BEND3: variants seen among roughly 807,000 people sequenced by gnomAD.
BEND3 encodes the protein BEN domain containing 3, also known as BEN domain-containing protein 3.
BEND3 carries 13 observed loss-of-function variants against 60.1 expected under a neutral mutation model. The observed-to-expected ratio is 0.22, with a 90% CI of 0.14 to 0.34. The LOEUF (loss-of-function observed/expected upper bound fraction) is 0.34, where lower values mean the gene tolerates loss of function less well. BEND3 is among the 10% of genes least tolerant of loss of function. BEND3 has a pLI of 1.00. For missense variants in BEND3, 896 were observed against 1,138.1 expected, an observed-to-expected ratio of 0.79 and a Z score of 3.06; for synonymous variants, 497 against 491.5, an observed-to-expected ratio of 1.01 and a Z score of -0.15.
intron 3 of BEND3, among the ~76,000 whole-genome samples, chr6:107,077,520 G>C (rs1775124856): frequency 6.6e-6 from 1 of 152,228 alleles, no homozygotes; most frequent in East Asian, 1.9e-4. Flanking sequence ...TCATCCTTCT[G>C]CTGCCAACAC....
At chr6:107,077,055 C>T (rs1775115691) in intron 3 of BEND3, among the ~76,000 whole-genome samples, 1 of 152,070 alleles carries the variant, frequency 6.6e-6, no homozygotes, top group South Asian at 2.1e-4. Context: ...ACTTATTTTT[C>T]TATCCTGGGT....
chr6:107,072,223 C>T (rs1032339468), intron 3 of BEND3, among the ~76,000 whole-genome samples: 8 of 152,332 alleles, frequency 5.3e-5, no homozygotes, highest in South Asian at 4.1e-4. Context: ...TCCTGGGGTG[C>T]TTCTCTCCAC....
At chr6:107,090,564 CTATA>C (rs1775453711) in intron 3 of BEND3, among the ~76,000 whole-genome samples, 1 of 152,150 alleles carries the variant, frequency 6.6e-6, no homozygotes, top group African/African-American at 2.4e-5. Context: ...ATGTAGTCAA[CTATA>C]TATGCTTGTG....
intron 3 of BEND3, among the ~76,000 whole-genome samples, chr6:107,085,394 C>A (rs1775322678): frequency 6.6e-6 from 1 of 152,216 alleles, no homozygotes; most frequent in Non-Finnish European, 1.5e-5. Flanking sequence ...AGAGAAAAAT[C>A]CCCTTCTACT....
intron 3 of BEND3, among the ~76,000 whole-genome samples, chr6:107,089,766 T>C (rs562701073): frequency 3.5e-4 from 53 of 151,004 alleles, no homozygotes; most frequent in South Asian, 1.1e-3. Context: ...GGCTAATTTT[T>C]GTATTTTTAG....
chr6:107,069,727 GC>G lies in BEND3; in HGVS notation c.1463del (p.Gly488AlafsTer52). 6.2e-7 allele frequency: 1 copy of G among 1,611,214 alleles called. No individual in the cohort carries two copies. The highest frequency in any genetic ancestry group is 8.5e-7 in the Non-Finnish European group (1 of 1,179,996). On this transcript the variant is annotated frameshift_variant, in exon 4 of 4. Transcript: ENST00000369042. LOFTEE classifies it high-confidence loss of function. ...DELEGLGLDA[G>X]SEGDPPRDDC... ...CATCACGCGGGGGGTCGCCTTCACT[GC>G]CCGCGTCCAGCCCCAGGCCCTCGAG...
intron 3 of BEND3, among the ~76,000 whole-genome samples, chr6:107,095,326 G>A (rs1402794701): frequency 4.0e-5 from 6 of 151,506 alleles, no homozygotes; most frequent in East Asian, 1.9e-4. Context: ...CTTCATCTCT[G>A]CAAAAAAAAA....
intron 1 of BEND3, among the ~76,000 whole-genome samples, chr6:107,109,424 C>CTCTGTCTCAAAAA (rs1325893645): frequency 2.3e-5 from 2 of 86,940 alleles, no homozygotes; most frequent in African/African-American, 8.8e-5. Flanking sequence ...GCCTGGGTGA[C>CTCTGTCTCAAAAA]AGAGCAAGAC....
intron 3 of BEND3, among the ~76,000 whole-genome samples, chr6:107,085,039 A>G (rs2783037): frequency 0.82 from 124,166 of 151,748 alleles, 50,849 homozygotes; most frequent in East Asian, 0.89. Context: ...AACACTCATC[A>G]CGACGGTCTG....
chr6:107,094,949 T>C (rs1382043993), intron 3 of BEND3, among the ~76,000 whole-genome samples: 2 of 150,482 alleles, frequency 1.3e-5, no homozygotes, highest in African/African-American at 4.9e-5. Context: ...GCCTCCCGAG[T>C]AGCTGGGACT....
Position 107,070,791 on chromosome 6 carries a change from T to G in BEND3, c.400A>C (p.Ile134Leu). Reference sequence around the variant, plus strand: ...TTCTTCTCCATGATCTTGTGCGAGATGCCATACAGAGGCTTCTTGTAGGAA... The same window carrying G: ...TTCTTCTCCATGATCTTGTGCGAGAGGCCATACAGAGGCTTCTTGTAGGAA... ...TPSYKKPLYG[I>L]SHKIMEKKNP... is the part of the protein sequence containing the mutation. The change falls in exon 4 of 4, where the codon ATC becomes CTC. Residue 134 changes from isoleucine to leucine, a missense_variant. Ile to Leu is a conservative substitution (Grantham distance 5, BLOSUM62 2). Around this residue, in one of 4 missense-constraint regions of BEND3, gnomAD observed 846 missense variants for 1,036.7 expected, o/e 0.82. Coordinates refer to ENST00000369042, the MANE Select transcript of BEND3 (RefSeq NM_001367314.1). The surrounding 1 kb of genome is among the most constrained non-coding windows in gnomAD (Gnocchi z 6.9). 1 of 1,614,146 alleles carries G rather than the reference T, an allele frequency of 6.2e-7. No individual in the cohort carries two copies.
At chr6:107,114,524 G>A in intron 1 of BEND3, 1 of 151,714 alleles carries the variant, frequency 6.6e-6, no homozygotes, top group Non-Finnish European at 1.5e-5. Flanking sequence ...CTGCTCCCCC[G>A]GCCTCCCGCT....
chr6:107,087,424 A>C (rs542250824), intron 3 of BEND3, among the ~76,000 whole-genome samples: 2 of 152,304 alleles, frequency 1.3e-5, no homozygotes, highest in Admixed American at 1.3e-4. Context: ...AACTATGATT[A>C]ATATGCCAAG....
At chr6:107,078,976 C>A (rs558297778) in intron 3 of BEND3, among the ~76,000 whole-genome samples, 1 of 152,032 alleles carries the variant, frequency 6.6e-6, no homozygotes, top group Non-Finnish European at 1.5e-5. Context: ...TGGCCTGCCA[C>A]GCCCCCATTT....
chr6:107,076,971 C>T (rs1223073284), intron 3 of BEND3, among the ~76,000 whole-genome samples: 1 of 152,030 alleles, frequency 6.6e-6, no homozygotes, highest in African/African-American at 2.4e-5. Context: ...CCACAGCCTC[C>T]CAAGTAGTTG....
chr6:107,103,562 A>G (rs1775745383), intron 1 of BEND3, among the ~76,000 whole-genome samples: 1 of 152,224 alleles, frequency 6.6e-6, no homozygotes, highest in Non-Finnish European at 1.5e-5. Flanking sequence ...GGGACAGTCA[A>G]CACATCCACA....
At chr6:107,089,600 A>AT (rs200522983) in intron 3 of BEND3, among the ~76,000 whole-genome samples, 42 of 126,702 alleles carry the variant, frequency 3.3e-4, no homozygotes, top group African/African-American at 7.3e-4. Flanking sequence ...AAAAAAAAGG[A>AT]TTTTTTTTTT....
rs375691678 is a variant in BEND3, at chr6:107,090,034, A to G, written c.240+8517T>C. Among the ~76,000 whole-genome samples, 11 of 152,274 alleles carry G rather than the reference A, an allele frequency of 7.2e-5. 1 individual carries two copies. The South Asian group carries it at 2.3e-3, about 32-fold the overall frequency. On this transcript the variant is annotated intron_variant, in intron 3 of 3. Coordinates refer to ENST00000369042, the MANE Select transcript of BEND3 (RefSeq NM_001367314.1). ...GCTATCCTAGAACAAAATTGAAGGA[A>G]TCACATTACCTGATTTTAAATTATA...
Position 107,072,852 on chromosome 6 carries a change from G to A in BEND3, c.241-1902C>T, listed in dbSNP as rs141034486. ...ATACAAAAAAAATTAGCCTGGCACA[G>A]TAGTGTGCACCTGTAGTCCCAGCTA... is the stretch of plus-strand genomic sequence containing the variant. On this transcript the variant is annotated intron_variant, in intron 3 of 3. Coordinates refer to ENST00000369042, the MANE Select transcript of BEND3 (RefSeq NM_001367314.1). Among the ~76,000 whole-genome samples the A allele has an allele frequency of 2.2e-3, 340 of 152,130 alleles. 2 individuals are homozygous for A. The highest frequency in any genetic ancestry group is 7.9e-3 in the African/African-American group (326 of 41,510).
Sources: allele counts gnomAD v4.1 joint callset (sites outside exome capture counted in the v4.1 genomes callset), GRCh38; gene constraint gnomAD v4.1.1; regional missense constraint gnomAD v4.1.1; non-coding constraint Gnocchi (gnomAD v3.1); transcripts MANE v1.5; gene names NCBI Gene and HGNC (gene_info 2026-07-23, HGNC 2026-07-21).